Variants in ALDH1L1 observed in about 807,000 individuals in gnomAD.
The protein encoded by ALDH1L1 is aldehyde dehydrogenase 1 family member L1.
Under a neutral mutation model 101.1 loss-of-function variants are expected in ALDH1L1, and 68 were observed. That is an observed-to-expected ratio of 0.67 (90% CI 0.55 to 0.82). The LOEUF is 0.82. Among genes scored for constraint, ALDH1L1 ranks in the 40% least tolerant of loss-of-function variants. ALDH1L1 has a pLI of 0.00. For synonymous variants in ALDH1L1, 486 were observed against 470.8 expected (o/e 1.03, Z -0.42); for missense variants, 1,087 against 1,172.7 (o/e 0.93, Z 1.07).
At chr3:126,123,923 T>C (rs1484665729) in intron 16 of ALDH1L1, among the ~76,000 whole-genome samples, 1 of 152,176 alleles carries the variant, frequency 6.6e-6, no homozygotes, top group Non-Finnish European at 1.5e-5. Context: ...TTCATGCTAA[T>C]ACATTTGAAA....
chr3:126,185,262 C>T (rs989986450), upstream of ALDH1L1, among the ~76,000 whole-genome samples: 4 of 152,188 alleles, frequency 2.6e-5, no homozygotes, highest in Non-Finnish European at 5.9e-5. Context: ...GTTTGCACCC[C>T]CATGCAAACT....
chr3:126,130,415 G>C, intron 13 of ALDH1L1, 122 bp from the exon 14 acceptor site: 1 of 776,948 alleles, frequency 1.3e-6, no homozygotes, highest in Non-Finnish European at 1.8e-6. Context: ...GGTGTGACCT[G>C]AGGCTTGAGA....
intron 1 of ALDH1L1, among the ~76,000 whole-genome samples, chr3:126,164,407 G>A (rs920641761): frequency 6.6e-6 from 1 of 152,144 alleles, no homozygotes; most frequent in Non-Finnish European, 1.5e-5. Context: ...TGCAGTGTCT[G>A]TTGTTCCCAT....
In ALDH1L1 at chr3:126,170,086, G is replaced by A. The variant is rs73859025; in HGVS notation, c.-23-9084C>T. Among the ~76,000 whole-genome samples the A allele has an allele frequency of 0.016, 2,499 of 152,148 alleles. 119 individuals are homozygous for A. The East Asian group carries it at 0.19, about 12-fold the overall frequency. On this transcript the variant is annotated intron_variant, in intron 1 of 22. Transcript: ENST00000393434. Reference sequence around the variant, plus strand: ...TAAAAAAATAAATAAGAAATCTTAAGCTAAAAATCATAAAAGTTAAGTAAC... The same window carrying A: ...TAAAAAAATAAATAAGAAATCTTAAACTAAAAATCATAAAAGTTAAGTAAC...
chr3:126,132,479 C>G (rs1311569986), intron 12 of ALDH1L1, among the ~76,000 whole-genome samples: 2 of 152,200 alleles, frequency 1.3e-5, no homozygotes, highest in East Asian at 3.8e-4. Context: ...ATTCTGGGGC[C>G]ACAAGACCCC....
Position 126,137,798 on chromosome 3 carries a change from G to A in ALDH1L1, c.1224+15C>T. ...GGCTCTGCAGGGCCTGCTGCAGGGA[G>A]GGCCCAGCACTCACGTAGTCAATGC... is the stretch of plus-strand genomic sequence containing the variant. On this transcript the variant is annotated intron_variant, in intron 10 of 22. Coordinates refer to ENST00000393434, the MANE Select transcript of ALDH1L1 (RefSeq NM_012190.4). 2 of 1,611,380 alleles carry A rather than the reference G, an allele frequency of 1.2e-6. No homozygotes were observed. Among genetic ancestry groups the A allele is most frequent in the Non-Finnish European group, 1.7e-6 (2 of 1,178,836 alleles).
intron 22 of ALDH1L1, 162 bp downstream of exon 22, chr3:126,105,564 G>A (rs754179245): frequency 1.5e-5 from 12 of 795,666 alleles, no homozygotes; most frequent in South Asian, 4.4e-5. Context: ...TCTTGCTCAC[G>A]GACTTGTCAC....
At position 126,126,543 on chromosome 3, in the gene ALDH1L1, G is replaced by C. The variant is rs550668950; in HGVS notation, c.1695-822C>G. Among the ~76,000 whole-genome samples, 74 of 151,950 alleles carry C rather than the reference G, an allele frequency of 4.9e-4. 1 individual carries two copies. Among genetic ancestry groups the C allele is most frequent in the African/African-American group, 1.7e-3 (69 of 41,460 alleles). ...GGGCAGGACCCGTGTGAGGCATCAGGGGGGAGCAGCAGGGAGCACTGAGAT... is the reference window on the plus strand; with the variant it reads ...GGGCAGGACCCGTGTGAGGCATCAGCGGGGAGCAGCAGGGAGCACTGAGAT... On this transcript the variant is annotated intron_variant, in intron 14 of 22. Transcript: ENST00000393434.
In ALDH1L1 at chr3:126,158,426, C is replaced by T. The variant is rs775850788; in HGVS notation, c.341G>A (p.Arg114Gln). The change falls in exon 3 of 23, where the codon CGA becomes CAA. Residue 114 changes from arginine (R) to glutamine (Q), a missense_variant. Physicochemically the swap from Arg to Gln is conservative, Grantham distance 43 (BLOSUM62 1). Transcript: ENST00000393434. ...TCACCAGTTGATGGCCGAGGCCCCT[C>T]GGTGCCTAGGGAGCAGTGACGGGTG... ...IYHPSLLPRH[R>Q]GASAINWTLI... 32 of 1,604,092 alleles carry T rather than the reference C, an allele frequency of 2.0e-5. No individual in the cohort carries two copies. Among genetic ancestry groups the T allele is most frequent in the Non-Finnish European group, 2.6e-5 (30 of 1,173,532 alleles).
In ALDH1L1 at chr3:126,137,830, C is replaced by T. The variant is rs763912713; in HGVS notation, c.1207G>A (p.Glu403Lys). 46 of 1,613,906 alleles carry T rather than the reference C, an allele frequency of 2.9e-5. No homozygotes were observed. Among genetic ancestry groups the T allele is most frequent in the Middle Eastern group, 1.7e-4 (1 of 6,056 alleles). The change falls in exon 10 of 23, where the codon GAG (glutamate) becomes AAG (lysine). Residue 403 changes from glutamate to lysine, a missense_variant. Glu to Lys is a moderately conservative substitution (Grantham distance 56, BLOSUM62 1). Around this residue, in one of 2 missense-constraint regions of ALDH1L1, gnomAD observed 645 missense variants for 637.0 expected, o/e 1.01. Coordinates refer to ENST00000393434, the MANE Select transcript of ALDH1L1 (RefSeq NM_012190.4). ...RKLRGDDEEG[E>K]CSIDYVEMAV... is the part of the protein sequence containing the mutation. The stretch of plus-strand genomic sequence containing the variant: ...GCACTCACGTAGTCAATGCTGCACT[C>T]GCCCTCCTCATCGTCCCCTCGCAGC...
chr3:126,156,894 C>T lies in ALDH1L1; in HGVS notation c.528+449G>A, dbSNP rs77721801. Among the ~76,000 whole-genome samples the T allele has an allele frequency of 2.8e-3, 419 of 152,246 alleles. 1 individual carries two copies. The highest frequency in any genetic ancestry group is 9.2e-3 in the African/African-American group (384 of 41,530). Reference sequence around the variant, plus strand: ...TTTCCCTGGAATCAAGAATTAGAATCCTTGAGCTATAGTGGCTATCTTTCC... The same window carrying T: ...TTTCCCTGGAATCAAGAATTAGAATTCTTGAGCTATAGTGGCTATCTTTCC... On this transcript the variant is annotated intron_variant, in intron 4 of 22. Coordinates refer to ENST00000393434, the MANE Select transcript of ALDH1L1 (RefSeq NM_012190.4).
At chr3:126,179,796 T>C (rs908542203) in intron 1 of ALDH1L1, 6 of 152,206 alleles carry the variant, frequency 3.9e-5, no homozygotes, top group Admixed American at 2.0e-4. Flanking sequence ...TTGGGAAGAT[T>C]CTTTCCTCTC....
chr3:126,157,190 G>A (rs754867337), intron 4 of ALDH1L1, among the ~76,000 whole-genome samples, 153 bp downstream of exon 4: 1 of 152,094 alleles, frequency 6.6e-6, no homozygotes, highest in Non-Finnish European at 1.5e-5. Flanking sequence ...TCCTAATCCT[G>A]CCTCTGAAAC....
chr3:126,114,791 A>ACCCCCCCCCCCC, intron 17 of ALDH1L1, 135 bp from the exon 18 acceptor site: 10 of 600,050 alleles, frequency 1.7e-5, no homozygotes, highest in Non-Finnish European at 2.5e-5. Flanking sequence ...GTGCCTCCCC[A>ACCCCCCCCCCCC]CTCCCCCCCA....
intron 1 of ALDH1L1, among the ~76,000 whole-genome samples, chr3:126,172,494 T>G (rs2081297486): frequency 6.6e-6 from 1 of 152,114 alleles, no homozygotes; most frequent in African/African-American, 2.4e-5. Context: ...ATCAATGAGA[T>G]GGATGAAATA....
chr3:126,114,421 A>C, intron 18 of ALDH1L1, 136 bp downstream of exon 18: 2 of 604,948 alleles, frequency 3.3e-6, no homozygotes, highest in Non-Finnish European at 5.1e-6. Context: ...CTGCCACGCT[A>C]TGCTTGTGAT....
rs746911256 is a variant in ALDH1L1 at position 126,157,327 on chromosome 3, G to T, written c.528+16C>A. ...GCGTCGGGGCGGGCAGGGCGCGGCC[G>T]GCTCCAGGTCCTCACCATCCCTTTG... is the stretch of plus-strand genomic sequence containing the variant. On this transcript the variant is annotated intron_variant, in intron 4 of 22. Transcript: ENST00000393434. 1.9e-6 allele frequency: 3 copies of T among 1,601,524 alleles called. No individual in the cohort carries two copies. Among genetic ancestry groups the T allele is most frequent in the South Asian group, 1.1e-5 (1 of 90,268 alleles).
At chr3:126,150,618 G>A (rs1490121419) in intron 7 of ALDH1L1, 87 bp from the exon 8 acceptor site, 96 of 1,434,248 alleles carry the variant, frequency 6.7e-5, no homozygotes, top group South Asian at 5.3e-4. Flanking sequence ...GCAGTGGTGC[G>A]ATCTCGGCTC....
intron 12 of ALDH1L1, among the ~76,000 whole-genome samples, chr3:126,134,483 T>C (rs976076741): frequency 7.2e-5 from 11 of 152,200 alleles, no homozygotes; most frequent in Non-Finnish European, 1.5e-4. Flanking sequence ...AGGGACCACT[T>C]GGCGTGGCCA....
Sources: gnomAD v4.1 joint callset for allele counts (sites outside exome capture counted in the v4.1 genomes callset) on GRCh38, gnomAD v4.1.1 for gene constraint, gnomAD v4.1.1 regional missense constraint, MANE v1.5 for transcripts, NCBI Gene and HGNC (gene_info 2026-07-23, HGNC 2026-07-21) for gene names.